UBE2R2: variants seen among roughly 807,000 people sequenced by gnomAD.
The protein encoded by UBE2R2 is ubiquitin conjugating enzyme E2 R2.
In UBE2R2, 1 loss-of-function variant was observed where a neutral mutation model predicts 27.8. That is an observed-to-expected ratio of 0.04 (90% CI 0.01 to 0.17). The LOEUF (loss-of-function observed/expected upper bound fraction) is 0.17. Among genes scored for constraint, UBE2R2 ranks in the 10% least tolerant of loss-of-function variants. UBE2R2 has a pLI of 1.00. For synonymous variants in UBE2R2, 106 were observed against 113.3 expected (o/e 0.94, Z 0.41); for missense variants, 100 against 291.0 (o/e 0.34, Z 4.78).
At chr9:33,874,538 A>G (rs570101110) in intron 1 of UBE2R2, among the ~76,000 whole-genome samples, 130 of 152,062 alleles carry the variant, frequency 8.5e-4, no homozygotes, top group Non-Finnish European at 1.0e-3. Context: ...CATATGAAGA[A>G]ATATATATGC....
chr9:33,890,417 A>G (rs1821953464), intron 2 of UBE2R2, among the ~76,000 whole-genome samples: 1 of 152,172 alleles, frequency 6.6e-6, no homozygotes, highest in African/African-American at 2.4e-5. Flanking sequence ...AAATACAAAC[A>G]TCAGCTGGGT....
chr9:33,818,533 A>T (rs1427972919), intron 1 of UBE2R2: 14 of 126,966 alleles, frequency 1.1e-4, no homozygotes, highest in Admixed American at 3.1e-4. Flanking sequence ...GGGTGGTAAA[A>T]AAAAAAAAAA....
intron 1 of UBE2R2, among the ~76,000 whole-genome samples, chr9:33,884,233 TC>T (rs1563999637): frequency 2.7e-4 from 38 of 142,324 alleles, no homozygotes; most frequent in African/African-American, 9.6e-4. Context: ...TCTCTCTCTC[TC>T]TTCCCCCTCT....
intron 1 of UBE2R2, among the ~76,000 whole-genome samples, chr9:33,874,359 T>A (rs1821557419): frequency 6.6e-6 from 1 of 152,154 alleles, no homozygotes; most frequent in Non-Finnish European, 1.5e-5. Flanking sequence ...GTGAAAAATC[T>A]TCTTTTTTCA....
intron 1 of UBE2R2, among the ~76,000 whole-genome samples, chr9:33,845,072 A>G (rs1331152253): frequency 6.6e-6 from 1 of 151,932 alleles, no homozygotes; most frequent in African/African-American, 2.4e-5. Context: ...CCCTGCCTTC[A>G]TTGCCTTGGT....
rs1035887471 is a variant in UBE2R2 at position 33,917,430 on chromosome 9, C to T, written c.*193C>T. The T allele has an allele frequency of 3.0e-5, 22 of 735,566 alleles. No homozygotes were observed. Among genetic ancestry groups the T allele is most frequent in the Non-Finnish European group, 4.7e-5 (22 of 464,360 alleles). The allele number at this position is 735,566 out of a possible 1,614,324, so 45.6% of individuals were successfully genotyped here. Reference sequence around the variant, plus strand: ...GGACCTTTAATGGAGAGAGAGTAACCCTCCACAGAATGTCTGAATTCTTGC... The same window carrying T: ...GGACCTTTAATGGAGAGAGAGTAACTCTCCACAGAATGTCTGAATTCTTGC... On this transcript the variant is annotated 3_prime_UTR_variant, in exon 5 of 5. Transcript: ENST00000263228.
At chr9:33,816,675 A>T (rs562453410), upstream of UBE2R2, among the ~76,000 whole-genome samples, 36 of 152,316 alleles carry the variant, frequency 2.4e-4, no homozygotes, top group South Asian at 4.6e-3. Context: ...CATTGTCAGC[A>T]CATCCTAATC....
chr9:33,896,953 GTT>G (rs35702790), intron 2 of UBE2R2, among the ~76,000 whole-genome samples: 1 of 128,100 alleles, frequency 7.8e-6, no homozygotes, highest in Non-Finnish European at 1.7e-5. Context: ...TGTTTTTTGT[GTT>G]TTTTTTTTGT....
At chr9:33,900,694 CATATAA>C (rs897801986) in intron 3 of UBE2R2, among the ~76,000 whole-genome samples, 28 of 152,092 alleles carry the variant, frequency 1.8e-4, no homozygotes, top group Admixed American at 1.8e-3. Context: ...ATATTTCATA[CATATAA>C]ATATATATCT....
At chr9:33,901,555 A>G (rs1249335790) in intron 3 of UBE2R2, among the ~76,000 whole-genome samples, 35 of 129,386 alleles carry the variant, frequency 2.7e-4, no homozygotes, top group Admixed American at 2.0e-3. Flanking sequence ...CTTCCCCTTT[A>G]TTTGTTTATT....
rs1825807599 is a variant in UBE2R2 at position 33,817,279 on chromosome 9, T to TC, written c.-473dup. Among the ~76,000 whole-genome samples, 1 of 107,180 alleles carries TC rather than the reference T, an allele frequency of 9.3e-6. No homozygotes were observed. Among genetic ancestry groups the TC allele is most frequent in the Non-Finnish European group, 2.0e-5 (1 of 50,538 alleles). 70.3% of individuals were successfully genotyped at this position (107,180 alleles called of 152,430 possible). A position where few individuals can be genotyped will look rare whatever the true frequency, so the allele number is the denominator to read the frequency against. ...GCCGCGAGACCCCCGCACGCCGCTC[T>TC]CCCCCCACCCTCTCCTGCCCCGCGC... On this transcript the variant is annotated 5_prime_UTR_variant, in exon 1 of 5. Transcript: ENST00000263228.
At chr9:33,837,183 T>C (rs923708038) in intron 1 of UBE2R2, among the ~76,000 whole-genome samples, 12 of 152,218 alleles carry the variant, frequency 7.9e-5, no homozygotes, top group African/African-American at 2.9e-4. Flanking sequence ...ACAGTCTGAA[T>C]TAATTCTTCT....
intron 2 of UBE2R2, among the ~76,000 whole-genome samples, chr9:33,896,606 ATTTT>A (rs60575205): frequency 7.2e-6 from 1 of 139,482 alleles, no homozygotes; most frequent in African/African-American, 2.6e-5. Context: ...ATGACTGGCT[ATTTT>A]TTTTTTTTTT....
chr9:33,832,605 G>A (rs1365515930), intron 1 of UBE2R2, among the ~76,000 whole-genome samples: 1 of 151,082 alleles, frequency 6.6e-6, no homozygotes, highest in East Asian at 1.9e-4. Flanking sequence ...TGCGGTGAGA[G>A]CCGAGATTGT....
At chr9:33,861,896 C>G (rs927525975) in intron 1 of UBE2R2, among the ~76,000 whole-genome samples, 1 of 147,304 alleles carries the variant, frequency 6.8e-6, no homozygotes, top group Non-Finnish European at 1.5e-5. Flanking sequence ...CACTGTCGCC[C>G]GGGCTGGAGT....
chr9:33,866,119 A>C (rs1821357438), intron 1 of UBE2R2, among the ~76,000 whole-genome samples: 1 of 152,036 alleles, frequency 6.6e-6, no homozygotes, highest in Non-Finnish European at 1.5e-5. Flanking sequence ...GGCGTGAGTC[A>C]CTGGTGCCCG....
chr9:33,831,054 CCT>C (rs1487226092), intron 1 of UBE2R2: 1 of 146,134 alleles, frequency 6.8e-6, no homozygotes, highest in Non-Finnish European at 1.5e-5. Flanking sequence ...TTCTTCATTC[CCT>C]CTGTTTCACT....
intron 1 of UBE2R2, among the ~76,000 whole-genome samples, chr9:33,840,994 A>T (rs1820721663): frequency 6.6e-6 from 1 of 151,960 alleles, no homozygotes; most frequent in South Asian, 2.1e-4. Flanking sequence ...GGGCCATCGC[A>T]ACTCACTGCA....
chr9:33,890,702 C>A (rs533745318), intron 2 of UBE2R2, among the ~76,000 whole-genome samples: 1 of 152,038 alleles, frequency 6.6e-6, no homozygotes, highest in African/African-American at 2.4e-5. Flanking sequence ...CCCAGCTACT[C>A]AGGAGGCTGA....
Sources: allele counts gnomAD v4.1 joint callset (sites outside exome capture counted in the v4.1 genomes callset), GRCh38; gene constraint gnomAD v4.1.1; transcripts MANE v1.5; gene names NCBI Gene and HGNC (gene_info 2026-07-23, HGNC 2026-07-21).